Variants in CNTN1 observed in about 807,000 individuals in gnomAD.
The protein encoded by CNTN1 is contactin 1, also known as contactin-1.
A neutral mutation model predicts 126.4 loss-of-function variants in CNTN1; 38 were observed. The observed-to-expected ratio is 0.30, with a 90% CI of 0.23 to 0.39. The LOEUF is 0.39. Among genes scored for constraint, CNTN1 ranks in the 10% least tolerant of loss-of-function variants. The pLI, the probability that CNTN1 is intolerant of heterozygous loss-of-function variation, is 1.00. For synonymous variants in CNTN1, 413 were observed against 422.6 expected (o/e 0.98, Z 0.28); for missense variants, 1,009 against 1,248.4 (o/e 0.81, Z 2.89).
chr12:40,782,952 T>C (rs917232114), intron 1 of CNTN1, among the ~76,000 whole-genome samples: 7 of 151,946 alleles, frequency 4.6e-5, no homozygotes, highest in Non-Finnish European at 8.8e-5. Flanking sequence ...TATGACAGTA[T>C]TTATGATAGA....
chr12:41,010,409 G>A (rs1948616808), intron 17 of CNTN1, among the ~76,000 whole-genome samples: 1 of 152,308 alleles, frequency 6.6e-6, no homozygotes, highest in African/African-American at 2.4e-5. Context: ...ACTAGCAGAT[G>A]TACCTCAGGG....
At chr12:40,925,432 A>G (rs1159157635) in intron 6 of CNTN1, among the ~76,000 whole-genome samples, 1 of 151,392 alleles carries the variant, frequency 6.6e-6, no homozygotes, top group Admixed American at 6.6e-5. Flanking sequence ...AACTCCATAC[A>G]GGATTTTGTG....
chr12:40,790,292 T>A lies in CNTN1; in HGVS notation c.-77+97700T>A, dbSNP rs114628274. On this transcript the variant is annotated intron_variant, in intron 1 of 23. Coordinates refer to ENST00000551295, the MANE Select transcript of CNTN1 (RefSeq NM_001843.4). ...GATGAACTTCAGGAGCCAGGGAATCTCCCCGACAACTTCCAGCGGTGGGCA... is the reference window on the plus strand; with the variant it reads ...GATGAACTTCAGGAGCCAGGGAATCACCCCGACAACTTCCAGCGGTGGGCA... Among the ~76,000 whole-genome samples the A allele has an allele frequency of 3.3e-3, 507 of 152,116 alleles. 5 individuals are homozygous for A. Among genetic ancestry groups the A allele is most frequent in the African/African-American group, 0.012 (480 of 41,512 alleles).
intron 1 of CNTN1, among the ~76,000 whole-genome samples, chr12:40,756,313 A>C (rs1043903858): frequency 6.6e-6 from 1 of 152,094 alleles, no homozygotes; most frequent in Non-Finnish European, 1.5e-5. Flanking sequence ...AGAAGGCCAT[A>C]GTCAGAGAGT....
At chr12:40,730,719 T>C (rs1343675444) in intron 1 of CNTN1, among the ~76,000 whole-genome samples, 1 of 152,200 alleles carries the variant, frequency 6.6e-6, no homozygotes, top group Non-Finnish European at 1.5e-5. Context: ...TATATCATAG[T>C]TGTAAGAGAA....
At chr12:40,922,555 C>A (rs995584806) in intron 5 of CNTN1, 127 bp downstream of exon 5, 4 of 823,628 alleles carry the variant, frequency 4.9e-6, no homozygotes, top group African/African-American at 1.7e-5. Flanking sequence ...ATGAGTGGAC[C>A]CTAATTGTGT....
intron 1 of CNTN1, among the ~76,000 whole-genome samples, chr12:40,732,315 A>G (rs1048202793): frequency 4.6e-5 from 7 of 152,204 alleles, no homozygotes; most frequent in African/African-American, 4.8e-5. Flanking sequence ...GAAAATTCCA[A>G]TGATAAATGG....
intron 21 of CNTN1, 74 bp from the exon 22 acceptor site, chr12:41,027,783 A>T (rs1320392357): frequency 4.5e-6 from 4 of 894,042 alleles, no homozygotes; most frequent in Non-Finnish European, 7.6e-6. Context: ...GCATTATAAT[A>T]CCTGATGCAA....
chr12:40,726,140 C>A (rs1252908786), intron 1 of CNTN1, among the ~76,000 whole-genome samples: 1 of 151,770 alleles, frequency 6.6e-6, no homozygotes, highest in African/African-American at 2.4e-5. Context: ...TAAATTTTAC[C>A]CACTCCAGAA....
chr12:40,799,343 C>T (rs977775504), intron 1 of CNTN1, among the ~76,000 whole-genome samples: 2 of 151,302 alleles, frequency 1.3e-5, no homozygotes, highest in Non-Finnish European at 2.9e-5. Flanking sequence ...CTAAAATTAC[C>T]TGTATGACCA....
At chr12:40,755,040 A>C (rs542648095) in intron 1 of CNTN1, among the ~76,000 whole-genome samples, 147 of 151,986 alleles carry the variant, frequency 9.7e-4, no homozygotes, top group African/African-American at 3.4e-3. Flanking sequence ...AACATAAAAA[A>C]GTTAGCTGGG....
intron 1 of CNTN1, among the ~76,000 whole-genome samples, chr12:40,769,107 A>G (rs1280001202): frequency 3.9e-5 from 6 of 152,186 alleles, no homozygotes; most frequent in African/African-American, 1.4e-4. Context: ...ATTGCAAATT[A>G]CAAAGTCAGA....
chr12:40,779,441 G>A (rs967323316), intron 1 of CNTN1, among the ~76,000 whole-genome samples: 1 of 151,818 alleles, frequency 6.6e-6, no homozygotes, highest in African/African-American at 2.4e-5. Context: ...ATTTGGATGT[G>A]TAGATACAGC....
intron 16 of CNTN1, among the ~76,000 whole-genome samples, chr12:40,986,839 TA>T (rs1947967067): frequency 6.6e-6 from 1 of 152,206 alleles, no homozygotes; most frequent in Non-Finnish European, 1.5e-5. Context: ...GTCAAATTAC[TA>T]TAGATTCTCC....
intron 1 of CNTN1, among the ~76,000 whole-genome samples, chr12:40,749,926 C>CT (rs1234635042): frequency 3.3e-5 from 5 of 152,020 alleles, no homozygotes; most frequent in African/African-American, 1.2e-4. Context: ...AGTTCTGACT[C>CT]TCAAGAAGGA....
chr12:40,834,538 G>A (rs929874029), intron 1 of CNTN1, among the ~76,000 whole-genome samples: 5 of 152,144 alleles, frequency 3.3e-5, no homozygotes, highest in Non-Finnish European at 7.4e-5. Flanking sequence ...TAAACAGATG[G>A]AAGATGATAT....
intron 1 of CNTN1, among the ~76,000 whole-genome samples, chr12:40,782,659 A>T (rs1378390944): frequency 6.6e-6 from 1 of 151,890 alleles, no homozygotes; most frequent in African/African-American, 2.4e-5. Context: ...ACCCAAGTAG[A>T]TGGAGGTGTA....
At chr12:40,987,987 A>G (rs146710987) in intron 16 of CNTN1, among the ~76,000 whole-genome samples, 1 of 151,894 alleles carries the variant, frequency 6.6e-6, no homozygotes, top group East Asian at 1.9e-4. Flanking sequence ...TCTCATTTCA[A>G]ACATGAATTT....
intron 23 of CNTN1, among the ~76,000 whole-genome samples, chr12:41,036,366 A>G (rs551200914): frequency 6.6e-6 from 1 of 152,280 alleles, no homozygotes; most frequent in South Asian, 2.1e-4. Context: ...AAAATGCTTC[A>G]TACCTTCTAA....
Sources: gnomAD v4.1 joint callset for allele counts (sites outside exome capture counted in the v4.1 genomes callset) on GRCh38, gnomAD v4.1.1 for gene constraint, MANE v1.5 for transcripts, NCBI Gene and HGNC (gene_info 2026-07-23, HGNC 2026-07-21) for gene names.